Variants in TCF4 observed in about 807,000 individuals in gnomAD.
TCF4 encodes the protein SL3-3 enhancer factor 2.
A neutral mutation model predicts 82.1 loss-of-function variants in TCF4; 3 were observed. The ratio of observed to expected loss-of-function variants is 0.04; its 90% CI spans 0.02 to 0.09. TCF4 has a LOEUF of 0.09. TCF4 is among the 10% of genes least tolerant of loss of function. The pLI is 1.00. For synonymous variants in TCF4, 276 were observed against 309.6 expected (o/e 0.89, Z 1.14); for missense variants, 518 against 852.7 (o/e 0.61, Z 4.89).
At chr18:55,560,959 C>T (rs191109291) in intron 3 of TCF4, among the ~76,000 whole-genome samples, 1 of 152,332 alleles carries the variant, frequency 6.6e-6, no homozygotes, top group Admixed American at 6.5e-5. Context: ...CAAAGCATTC[C>T]ATGGTTCTGA....
At position 55,260,636 on chromosome 18, in the gene TCF4, G is replaced by A. The variant is rs148104056; in HGVS notation, c.991-609C>T. Among the ~76,000 whole-genome samples, 1,133 of 152,246 alleles carry A rather than the reference G, an allele frequency of 7.4e-3. 18 individuals carry two copies. Among genetic ancestry groups the A allele is most frequent in the African/African-American group, 0.026 (1,077 of 41,538 alleles). ...TGCAGTGGCATGATCTCAGCTCACT[G>A]CAACCTCTACCTCCCAGGTTCAAGC... On this transcript the variant is annotated intron_variant, in intron 12 of 19. Coordinates refer to ENST00000354452, the MANE Select transcript of TCF4 (RefSeq NM_001083962.2).
intron 6 of TCF4, among the ~76,000 whole-genome samples, chr18:55,381,445 A>G (rs1035697763): frequency 1.3e-5 from 2 of 152,224 alleles, no homozygotes; most frequent in African/African-American, 2.4e-5. Flanking sequence ...CTATGCTGCA[A>G]TAGCTGAGCC....
chr18:55,304,134 A>G (rs1443268267), intron 8 of TCF4, among the ~76,000 whole-genome samples: 1 of 152,214 alleles, frequency 6.6e-6, no homozygotes, highest in Non-Finnish European at 1.5e-5. Flanking sequence ...GATATAAGTA[A>G]AGCTAGAGGG....
At chr18:55,298,968 A>C (rs1304685315) in intron 8 of TCF4, among the ~76,000 whole-genome samples, 1 of 152,188 alleles carries the variant, frequency 6.6e-6, no homozygotes, top group Non-Finnish European at 1.5e-5. Context: ...TTTCCCTACA[A>C]TTTAGGTCAA....
intron 5 of TCF4, among the ~76,000 whole-genome samples, chr18:55,415,732 A>G (rs1603451576): frequency 6.6e-6 from 1 of 152,206 alleles, no homozygotes; most frequent in Admixed American, 6.5e-5. Context: ...AGCTTCTGTC[A>G]GTTTTCAAGG....
At chr18:55,494,514 A>T (rs1014483745) in intron 3 of TCF4, among the ~76,000 whole-genome samples, 3 of 151,968 alleles carry the variant, frequency 2.0e-5, no homozygotes, top group Non-Finnish European at 4.4e-5. Context: ...GGGTTGCCTC[A>T]CTCTACTTAG....
chr18:55,244,853 G>A (rs1035598033), intron 15 of TCF4, among the ~76,000 whole-genome samples: 17 of 152,186 alleles, frequency 1.1e-4, no homozygotes, highest in African/African-American at 3.6e-4. Context: ...AGACCCGTCC[G>A]TGTGCAGAAG....
chr18:55,356,104 T>C lies in TCF4; in HGVS notation c.370-5101A>G, dbSNP rs192742944. On this transcript the variant is annotated intron_variant, in intron 6 of 19. Transcript: ENST00000354452. The stretch of plus-strand genomic sequence containing the variant: ...TAGATGAAACAACATATGTAAAATG[T>C]TCCGCAGAGCCAGGGTCCAGCACAG... Among the ~76,000 whole-genome samples the C allele has an allele frequency of 2.6e-5, 4 of 152,252 alleles. No individual in the cohort carries two copies. In the East Asian group the frequency reaches 7.7e-4, roughly 29 times the overall value.
chr18:55,434,344 T>C (rs567575294), intron 5 of TCF4, among the ~76,000 whole-genome samples: 1 of 152,320 alleles, frequency 6.6e-6, no homozygotes, highest in East Asian at 1.9e-4. Flanking sequence ...GTTTCTGTTA[T>C]TGTGATATTG....
chr18:55,343,979 A>T (rs148722404), intron 8 of TCF4, among the ~76,000 whole-genome samples: 303 of 152,294 alleles, frequency 2.0e-3, no homozygotes, highest in African/African-American at 6.8e-3. Flanking sequence ...TTATGTAAAA[A>T]ATCAAACAAA....
At chr18:55,526,388 G>T (rs1254186712) in intron 3 of TCF4, among the ~76,000 whole-genome samples, 1 of 152,032 alleles carries the variant, frequency 6.6e-6, no homozygotes, top group Non-Finnish European at 1.5e-5. Context: ...TTGAACCTTT[G>T]TTCATTCATA....
At chr18:55,266,735 T>C in intron 11 of TCF4, 1 of 151,340 alleles carries the variant, frequency 6.6e-6, no homozygotes, top group East Asian at 1.9e-4. Context: ...TGATATTGGG[T>C]ATTATAGGGC....
intron 2 of TCF4, among the ~76,000 whole-genome samples, chr18:55,609,956 G>A (rs2147961784): frequency 6.6e-6 from 1 of 151,904 alleles, no homozygotes; most frequent in South Asian, 2.1e-4. Context: ...ACCATCTGTA[G>A]TACCATATGT....
intron 3 of TCF4, chr18:55,550,936 T>C (rs1270488946): frequency 2.0e-5 from 3 of 152,108 alleles, no homozygotes; most frequent in Middle Eastern, 3.4e-3. Flanking sequence ...AAACACATCC[T>C]CATGTTATTC....
At chr18:55,572,390 A>C (rs375662705) in intron 3 of TCF4, among the ~76,000 whole-genome samples, 14 of 152,240 alleles carry the variant, frequency 9.2e-5, no homozygotes, top group African/African-American at 3.4e-4. Context: ...GACTTCCAAT[A>C]GTAAACAATA....
In TCF4 at chr18:55,360,248, T is replaced by A. The variant is rs755589069; in HGVS notation, c.370-9245A>T. ...TTAACATGACATTGAGCACTTGGAATCTACCTTCTTAACTACTGACAATAG... is the reference window on the plus strand; with the variant it reads ...TTAACATGACATTGAGCACTTGGAAACTACCTTCTTAACTACTGACAATAG... On this transcript the variant is annotated intron_variant, in intron 6 of 19. Coordinates refer to ENST00000354452, the MANE Select transcript of TCF4 (RefSeq NM_001083962.2). Among the ~76,000 whole-genome samples, 39 of 152,326 alleles carry A rather than the reference T, an allele frequency of 2.6e-4. No homozygotes were observed. In the South Asian group the frequency reaches 5.6e-3, roughly 22 times the overall value.
chr18:55,501,065 T>C (rs939986600), intron 3 of TCF4, among the ~76,000 whole-genome samples: 1 of 152,216 alleles, frequency 6.6e-6, no homozygotes, highest in Non-Finnish European at 1.5e-5. Flanking sequence ...TAATGTTTAA[T>C]GAGTGATTAA....
intron 5 of TCF4, among the ~76,000 whole-genome samples, chr18:55,453,126 TCTGCAG>T (rs1293730292): frequency 6.6e-6 from 1 of 152,132 alleles, no homozygotes; most frequent in Non-Finnish European, 1.5e-5. Flanking sequence ...TGCCCCAACC[TCTGCAG>T]CTGGAGATGG....
intron 3 of TCF4, among the ~76,000 whole-genome samples, chr18:55,477,357 C>A (rs1024854884): frequency 1.3e-5 from 2 of 152,130 alleles, no homozygotes; most frequent in African/African-American, 4.8e-5. Flanking sequence ...ATACTTTCAC[C>A]CTTTCATGCT....
Sources: gnomAD v4.1 joint callset for allele counts (sites outside exome capture counted in the v4.1 genomes callset) on GRCh38, gnomAD v4.1.1 for gene constraint, MANE v1.5 for transcripts, NCBI Gene and HGNC (gene_info 2026-07-23, HGNC 2026-07-21) for gene names.